FSTL4: variants seen among roughly 807,000 people sequenced by gnomAD.
FSTL4 encodes follistatin-related protein 4.
Under a neutral mutation model 78.2 loss-of-function variants are expected in FSTL4, and 28 were observed. That is an observed-to-expected ratio of 0.36 (90% CI 0.27 to 0.49). The LOEUF (loss-of-function observed/expected upper bound fraction) is 0.49. Ranked by LOEUF, FSTL4 falls within the 20% of genes least tolerant of loss-of-function variation. FSTL4 has a pLI of 0.98. For synonymous variants in FSTL4, 422 were observed against 440.5 expected, an observed-to-expected ratio of 0.96 and a Z score of 0.53; for missense variants, 922 against 1,084.9, an observed-to-expected ratio of 0.85 and a Z score of 2.11.
chr5:133,449,565 G>A (rs996765763), intron 3 of FSTL4, among the ~76,000 whole-genome samples: 1 of 152,162 alleles, frequency 6.6e-6, no homozygotes, highest in African/African-American at 2.4e-5. Context: ...CTCCATGTGG[G>A]GAAAACCTGG....
chr5:133,369,090 G>C (rs547557095), intron 4 of FSTL4, among the ~76,000 whole-genome samples: 1 of 152,244 alleles, frequency 6.6e-6, no homozygotes, highest in African/African-American at 2.4e-5. Context: ...GGCTGGCTTG[G>C]TCTCCATGCA....
chr5:133,202,236 C>T (rs1164032655), intron 14 of FSTL4, among the ~76,000 whole-genome samples, 194 bp from the exon 15 acceptor site: 1 of 152,200 alleles, frequency 6.6e-6, no homozygotes, highest in Non-Finnish European at 1.5e-5. Flanking sequence ...GGGACCCATT[C>T]TTCCTGAAAG....
rs149805991 is a variant in FSTL4, at chr5:133,240,624, T to G, written c.895-7087A>C. ...TGTCCTCTGGTGTGTGCGGTCAGTC[T>G]TCTTCTGACTGTGGATGCCAAAGGG... is the stretch of plus-strand genomic sequence containing the variant. On this transcript the variant is annotated intron_variant, in intron 7 of 15. Coordinates refer to ENST00000265342, the MANE Select transcript of FSTL4 (RefSeq NM_015082.2). Among the ~76,000 whole-genome samples the G allele has an allele frequency of 2.2e-3, 333 of 152,270 alleles. 2 individuals are homozygous for G. Among genetic ancestry groups the G allele is most frequent in the African/African-American group, 7.6e-3 (314 of 41,556 alleles).
chr5:133,686,346 C>A, the FSTL4 span, among the ~76,000 whole-genome samples: 5 of 152,302 alleles, frequency 3.3e-5, no homozygotes, highest in South Asian at 1.0e-3. Flanking sequence ...CAGAGAGTGG[C>A]CAGTAGGGTC....
chr5:133,572,251 G>A (rs1276585752), intron 2 of FSTL4, among the ~76,000 whole-genome samples: 2 of 152,164 alleles, frequency 1.3e-5, no homozygotes, highest in Non-Finnish European at 2.9e-5. Flanking sequence ...GAAGACAATG[G>A]AATGCCATCT....
At chr5:133,277,205 A>G (rs1238584387) in intron 6 of FSTL4, among the ~76,000 whole-genome samples, 1 of 152,152 alleles carries the variant, frequency 6.6e-6, no homozygotes, top group African/African-American at 2.4e-5. Context: ...AATCCCAGCT[A>G]CTTGGGAGGC....
At chr5:133,282,935 T>A (rs1362181751) in intron 6 of FSTL4, among the ~76,000 whole-genome samples, 6 of 152,310 alleles carry the variant, frequency 3.9e-5, no homozygotes, top group Non-Finnish European at 7.3e-5. Flanking sequence ...CTGACACTTG[T>A]CTCTTTCCAA....
intron 6 of FSTL4, among the ~76,000 whole-genome samples, chr5:133,261,701 C>T (rs1388217575): frequency 1.3e-5 from 2 of 152,032 alleles, no homozygotes; most frequent in African/African-American, 4.8e-5. Flanking sequence ...ACTAAAAATA[C>T]AAAAATTAGC....
chr5:133,377,775 A>AATTAATCAGTACATCCAAGAAATTCAAC (rs1755471471), intron 4 of FSTL4, among the ~76,000 whole-genome samples: 1 of 152,224 alleles, frequency 6.6e-6, no homozygotes, highest in Non-Finnish European at 1.5e-5. Context: ...TTGATTAAAA[A>AATTAATCAGTACATCCAAGAAATTCAAC]ATTAATCAGT....
the FSTL4 span, among the ~76,000 whole-genome samples, chr5:133,841,973 G>A: frequency 6.6e-6 from 1 of 152,222 alleles, no homozygotes; most frequent in African/African-American, 2.4e-5. Flanking sequence ...AGGCAGGCCT[G>A]GCTGGGACCA....
the FSTL4 span, among the ~76,000 whole-genome samples, chr5:133,697,487 T>C: frequency 6.6e-6 from 1 of 152,114 alleles, no homozygotes; most frequent in Non-Finnish European, 1.5e-5. Context: ...GAAAAGACAG[T>C]CTCTACCCCA....
chr5:133,345,575 A>C (rs992409144), intron 4 of FSTL4, among the ~76,000 whole-genome samples: 1 of 152,206 alleles, frequency 6.6e-6, no homozygotes, highest in Non-Finnish European at 1.5e-5. Flanking sequence ...TTAAGTCTTT[A>C]GTCCATCTTG....
chr5:133,578,902 C>T (rs1760340257), intron 2 of FSTL4, among the ~76,000 whole-genome samples: 1 of 152,222 alleles, frequency 6.6e-6, no homozygotes, highest in Non-Finnish European at 1.5e-5. Context: ...ATCTCTCAGA[C>T]AACCCAACAA....
chr5:133,240,017 G>A (rs940627005), intron 7 of FSTL4, among the ~76,000 whole-genome samples: 8 of 152,204 alleles, frequency 5.3e-5, no homozygotes, highest in African/African-American at 1.2e-4. Flanking sequence ...TTTCCACGCA[G>A]TGGAAGCTTT....
intron 6 of FSTL4, chr5:133,252,204 G>A (rs112165921): frequency 6.6e-6 from 1 of 152,202 alleles, no homozygotes; most frequent in Non-Finnish European, 1.5e-5. Context: ...TCCCATTGGG[G>A]TGAGGCTTGT....
chr5:133,269,483 C>A (rs1326086452), intron 6 of FSTL4, among the ~76,000 whole-genome samples: 1 of 152,146 alleles, frequency 6.6e-6, no homozygotes, highest in Non-Finnish European at 1.5e-5. Context: ...TTACTTTGAA[C>A]AAAATATATT....
rs1187966204 is a variant in FSTL4 at position 133,448,739 on chromosome 5, CGG to C, written c.161-47755_161-47754del. ...TTCAGAATCCCCAGGGGTGCGGGGG[CGG>C]GGGGGGGGGGCGCTCAGAATTTTCC... On this transcript the variant is annotated intron_variant, in intron 3 of 15. Coordinates refer to ENST00000265342, the MANE Select transcript of FSTL4 (RefSeq NM_015082.2). Among the ~76,000 whole-genome samples, 43 of 19,458 alleles carry C rather than the reference CGG, an allele frequency of 2.2e-3. 1 individual carries two copies. The highest frequency in any genetic ancestry group is 4.0e-3 in the African/African-American group (30 of 7,554). The allele number at this position is 19,458 out of a possible 152,430, so 12.8% of individuals were successfully genotyped here. A position where few individuals can be genotyped will look rare whatever the true frequency, so the allele number is the denominator to read the frequency against.
intron 4 of FSTL4, among the ~76,000 whole-genome samples, chr5:133,379,661 A>G (rs1470228391): frequency 1.3e-5 from 2 of 152,240 alleles, no homozygotes; most frequent in Non-Finnish European, 2.9e-5. Context: ...TGGGTCAAAT[A>G]AGAAATTACA....
intron 4 of FSTL4, chr5:133,387,812 C>A (rs1030699325): frequency 3.3e-5 from 5 of 152,016 alleles, no homozygotes; most frequent in African/African-American, 9.7e-5. Flanking sequence ...CACACTCTAG[C>A]CACCGAGATG....
Sources: gnomAD v4.1 joint callset for allele counts (sites outside exome capture counted in the v4.1 genomes callset) on GRCh38, gnomAD v4.1.1 for gene constraint, MANE v1.5 for transcripts, NCBI Gene and HGNC (gene_info 2026-07-23, HGNC 2026-07-21) for gene names.